Variants in PPME1 observed in about 807,000 individuals in gnomAD.
The protein encoded by PPME1 is testicular secretory protein Li 39.
A neutral mutation model predicts 56.9 loss-of-function variants in PPME1; 17 were observed. That is an observed-to-expected ratio of 0.30 (90% confidence interval 0.20 to 0.45). PPME1 has a LOEUF of 0.45. Among genes scored for constraint, PPME1 ranks in the 20% least tolerant of loss-of-function variants. The pLI, the probability that PPME1 is intolerant of heterozygous loss-of-function variation, is 1.00. For missense variants in PPME1, 357 were observed against 483.2 expected, an observed-to-expected ratio of 0.74 and a Z score of 2.45; for synonymous variants, 122 against 156.2, an observed-to-expected ratio of 0.78 and a Z score of 1.63.
intron 9 of PPME1, among the ~76,000 whole-genome samples, chr11:74,244,644 T>C (rs912677269): frequency 6.6e-6 from 1 of 152,138 alleles, no homozygotes; most frequent in African/African-American, 2.4e-5. Flanking sequence ...ATTGTAGGAG[T>C]CCTTTATATA....
intron 5 of PPME1, among the ~76,000 whole-genome samples, chr11:74,227,036 C>T (rs1174728167): frequency 6.6e-6 from 1 of 152,068 alleles, no homozygotes; most frequent in Non-Finnish European, 1.5e-5. Flanking sequence ...CAGAATTCTG[C>T]CCTCTAGGGT....
intron 3 of PPME1, among the ~76,000 whole-genome samples, chr11:74,216,180 C>T (rs1421129495): frequency 6.6e-6 from 1 of 152,206 alleles, no homozygotes; most frequent in Non-Finnish European, 1.5e-5. Context: ...CATCCAACAG[C>T]TGCAGAATAC....
chr11:74,218,380 T>G (rs1241168463), intron 3 of PPME1, among the ~76,000 whole-genome samples: 1 of 152,150 alleles, frequency 6.6e-6, no homozygotes, highest in Admixed American at 6.5e-5. Flanking sequence ...CCAATGATAT[T>G]CTTCAAAAAA....
intron 1 of PPME1, among the ~76,000 whole-genome samples, chr11:74,173,559 A>G (rs990678070): frequency 4.6e-5 from 7 of 151,736 alleles, no homozygotes; most frequent in African/African-American, 1.5e-4. Context: ...ATTTTTTTTT[A>G]GAGACAGAGT....
chr11:74,221,840 A>G (rs758285132), intron 3 of PPME1, among the ~76,000 whole-genome samples: 12 of 152,132 alleles, frequency 7.9e-5, no homozygotes, highest in African/African-American at 2.2e-4. Context: ...TCTTAAGTGA[A>G]TCTTTAGTAG....
intron 1 of PPME1, among the ~76,000 whole-genome samples, chr11:74,186,677 G>A (rs1180763980): frequency 6.6e-6 from 1 of 152,178 alleles, no homozygotes; most frequent in African/African-American, 2.4e-5. Context: ...AAGAAGAGTA[G>A]GGATATAAGA....
chr11:74,216,596 A>G (rs1318291930), intron 3 of PPME1, among the ~76,000 whole-genome samples: 1 of 152,194 alleles, frequency 6.6e-6, no homozygotes, highest in Non-Finnish European at 1.5e-5. Context: ...GAAGAGCAAG[A>G]ACAAACCAAA....
intron 3 of PPME1, 31 bp from the exon 4 acceptor site, chr11:74,222,281 G>T: frequency 6.5e-7 from 1 of 1,532,278 alleles, no homozygotes; most frequent in Non-Finnish European, 9.0e-7. Flanking sequence ...TATCCTAGAT[G>T]TGTCTTAACT....
In PPME1 at chr11:74,230,637, T is replaced by A; in HGVS notation, c.553+238T>A. 1.7e-6 allele frequency: 1 copy of A among 601,978 alleles called. No homozygotes were observed. The highest frequency in any genetic ancestry group is 2.8e-6 in the Non-Finnish European group (1 of 351,128). 37.3% of individuals were successfully genotyped at this position (601,978 alleles called of 1,614,324 possible). A position where few individuals can be genotyped will look rare whatever the true frequency, so the allele number is the denominator to read the frequency against. ...ATCCTATGTATGTCCCATAATTGTATTTAATCATATAAAAAGAAGCTGCCA... is the reference window on the plus strand; with the variant it reads ...ATCCTATGTATGTCCCATAATTGTAATTAATCATATAAAAAGAAGCTGCCA... On this transcript the variant is annotated intron_variant, in intron 6 of 13. Coordinates refer to ENST00000328257, the MANE Select transcript of PPME1 (RefSeq NM_016147.3). The surrounding 1 kb of genome is among the most constrained non-coding windows in gnomAD (Gnocchi z 4.9).
chr11:74,247,510 TG>T (rs1859537336), intron 11 of PPME1: 1 of 153,364 alleles, frequency 6.5e-6, no homozygotes. Context: ...TTTTTTGAAT[TG>T]GAGTCTCACT....
intron 3 of PPME1, among the ~76,000 whole-genome samples, chr11:74,206,926 C>T (rs529322037): frequency 5.9e-5 from 9 of 152,294 alleles, no homozygotes; most frequent in African/African-American, 2.2e-4. Context: ...AGGTACTATG[C>T]TAAGTGCTTA....
intron 1 of PPME1, among the ~76,000 whole-genome samples, chr11:74,176,379 AT>A (rs1857400369): frequency 6.6e-6 from 1 of 152,052 alleles, no homozygotes; most frequent in Non-Finnish European, 1.5e-5. Context: ...AAGTGAAGTG[AT>A]TTGCTCAAGG....
chr11:74,221,323 GC>G (rs1858795808), intron 3 of PPME1, among the ~76,000 whole-genome samples: 1 of 152,092 alleles, frequency 6.6e-6, no homozygotes, highest in African/African-American at 2.4e-5. Context: ...TTAGCAAATA[GC>G]TTTCAGGAAC....
chr11:74,253,726 G>A lies in PPME1; in HGVS notation c.*216G>A. ...ACCAACATCGGCTTCCCCAGTCCAG[G>A]GCTCCCCTGCTCCTTTCCCTTCCCT... On this transcript the variant is annotated 3_prime_UTR_variant, in exon 14 of 14. Transcript: ENST00000328257. The A allele has an allele frequency of 3.2e-6, 2 of 618,496 alleles. No homozygotes were observed. The highest frequency in any genetic ancestry group is 5.8e-6 in the Non-Finnish European group (2 of 347,222). 38.3% of individuals were successfully genotyped at this position (618,496 alleles called of 1,614,324 possible).
chr11:74,192,931 C>T (rs1857880803), intron 1 of PPME1, among the ~76,000 whole-genome samples: 2 of 152,178 alleles, frequency 1.3e-5, no homozygotes, highest in South Asian at 4.1e-4. Context: ...ACAGACTTAA[C>T]ACATCCCTCA....
In PPME1 at chr11:74,184,989, C is replaced by CTTTTTTTTTTTTTTTTTTTTTTTTTTTT. The variant is rs559947122; in HGVS notation, c.101+13468_101+13495dup. ...TTTACTGTTTGCTTATGAAGTATGT[C>CTTTTTTTTTTTTTTTTTTTTTTTTTTTT]TTTTTTTTTTTTTTTTTTTTTTTTT... On this transcript the variant is annotated intron_variant, in intron 1 of 13. Transcript: ENST00000328257. Among the ~76,000 whole-genome samples, 2 of 95,718 alleles carry CTTTTTTTTTTTTTTTTTTTTTTTTTTTT rather than the reference C, an allele frequency of 2.1e-5. 1 individual carries two copies. The highest frequency in any genetic ancestry group is 4.3e-5 in the Non-Finnish European group (2 of 46,194). 62.8% of individuals were successfully genotyped at this position (95,718 alleles called of 152,430 possible). A position where few individuals can be genotyped will look rare whatever the true frequency, so the allele number is the denominator to read the frequency against.
At chr11:74,203,843 A>G (rs1858247546) in intron 2 of PPME1, 22 bp downstream of exon 2, 1 of 1,525,010 alleles carries the variant, frequency 6.6e-7, no homozygotes, top group African/African-American at 1.4e-5. Flanking sequence ...AAAATGGCTT[A>G]TTCTTTAGTG....
At chr11:74,192,113 A>G (rs1291402522) in intron 1 of PPME1, among the ~76,000 whole-genome samples, 4 of 152,200 alleles carry the variant, frequency 2.6e-5, no homozygotes, top group Non-Finnish European at 4.4e-5. Context: ...CCTACAAGCA[A>G]TAGGTAGAGC....
intron 11 of PPME1, chr11:74,247,398 G>GA: frequency 2.7e-6 from 1 of 371,452 alleles, no homozygotes; most frequent in Non-Finnish European, 4.8e-6. Context: ...ATGAGGCAAT[G>GA]TGTTTAAAAA....
Sources: gnomAD v4.1 joint callset for allele counts (sites outside exome capture counted in the v4.1 genomes callset) on GRCh38, gnomAD v4.1.1 for gene constraint, Gnocchi (gnomAD v3.1) non-coding constraint, MANE v1.5 for transcripts, NCBI Gene and HGNC (gene_info 2026-07-23, HGNC 2026-07-21) for gene names.